The following SLC26A4 variants were observed in gnomAD, a reference collection of about 807,000 sequenced individuals.
SLC26A4 encodes pendrin.
SLC26A4 carries 93 observed loss-of-function variants against 90.4 expected under a neutral mutation model. The ratio of observed to expected loss-of-function variants is 1.03; its 90% CI spans 0.87 to 1.22. SLC26A4 has a LOEUF of 1.22. SLC26A4 is among the 50% of genes most tolerant of loss of function. The pLI is 0.00. For synonymous variants in SLC26A4, 393 were observed against 354.6 expected, an observed-to-expected ratio of 1.11 and a Z score of -1.22; for missense variants, 1,127 against 946.2, an observed-to-expected ratio of 1.19 and a Z score of -2.51.
At chr7:107,679,058 A>T (rs970739904) in intron 6 of SLC26A4, among the ~76,000 whole-genome samples, 2 of 152,248 alleles carry the variant, frequency 1.3e-5, no homozygotes, top group African/African-American at 4.8e-5. Context: ...AAAAGAAATC[A>T]GTTAATTTAC....
At position 107,678,133 on chromosome 7, in the gene SLC26A4, AC is replaced by A. The variant is rs1462823355; in HGVS notation, c.765+3025del. On this transcript the variant is annotated intron_variant, in intron 6 of 20. Transcript: ENST00000644269. ...CTGCCTTATTTTGACAGGCTCTGTA[AC>A]TTTTGCAGCTCCTGGCACATCTTGC... 2.6e-5 allele frequency among the ~76,000 whole-genome samples: 4 copies of A among 152,226 alleles called. No homozygotes were observed. In the East Asian group the frequency reaches 7.7e-4, roughly 29 times the overall value.
In SLC26A4 at chr7:107,683,537, G is replaced by C. The variant is rs146281367; in HGVS notation, c.1001G>C (p.Gly334Ala). ...GGCATTGTTAAATCCATCCCAAGGG[G>C]GTGAGTGTGGTGTTCCTCTTAGTAC... ...NAGIVKSIPR[G>A]FLPPELPPVS... Residue 334 changes from glycine to alanine, a missense_variant and splice_region_variant, in exon 8 of 21, where the codon GGG (glycine) becomes GCG (alanine). Coordinates refer to ENST00000644269, the MANE Select transcript of SLC26A4 (RefSeq NM_000441.2). 6.2e-7 allele frequency: 1 copy of C among 1,612,602 alleles called. No individual in the cohort carries two copies. Among genetic ancestry groups the C allele is most frequent in the South Asian group, 1.1e-5 (1 of 91,038 alleles).
intron 6 of SLC26A4, among the ~76,000 whole-genome samples, chr7:107,677,445 T>C (rs1313559858): frequency 6.6e-6 from 1 of 152,118 alleles, no homozygotes; most frequent in Non-Finnish European, 1.5e-5. Flanking sequence ...TTGAGTTTAT[T>C]ATTATTATTA....
At chr7:107,696,219 T>C (rs1226626142) in intron 13 of SLC26A4, among the ~76,000 whole-genome samples, 180 bp downstream of exon 13, 2 of 152,206 alleles carry the variant, frequency 1.3e-5, no homozygotes, top group South Asian at 2.1e-4. Flanking sequence ...AAATAGCCTA[T>C]GAATAGTTTT....
At chr7:107,682,746 T>A (rs6953220) in intron 6 of SLC26A4, among the ~76,000 whole-genome samples, 12 of 151,718 alleles carry the variant, frequency 7.9e-5, no homozygotes, top group African/African-American at 2.4e-4. Flanking sequence ...TTATCAGCCT[T>A]TAGTCTCAAT....
intron 8 of SLC26A4, among the ~76,000 whole-genome samples, chr7:107,683,741 T>C (rs1215094209): frequency 1.3e-5 from 2 of 152,202 alleles, no homozygotes; most frequent in African/African-American, 4.8e-5. Context: ...GCAGCCCGTA[T>C]ATGCTCTTTT....
At chr7:107,694,206 T>A (rs969772530) in intron 10 of SLC26A4, among the ~76,000 whole-genome samples, 197 bp from the exon 11 acceptor site, 1 of 152,214 alleles carries the variant, frequency 6.6e-6, no homozygotes, top group Non-Finnish European at 1.5e-5. Context: ...TGCCATAGCA[T>A]ATATAGATGC....
intron 18 of SLC26A4, among the ~76,000 whole-genome samples, chr7:107,705,178 C>A (rs1328980482): frequency 6.6e-6 from 1 of 152,136 alleles, no homozygotes; most frequent in African/African-American, 2.4e-5. Context: ...CCGTTTTGAT[C>A]AGGCTCTCAC....
At chr7:107,690,014 C>T (rs936101696) in intron 9 of SLC26A4, 110 bp from the exon 10 acceptor site, 15 of 784,384 alleles carry the variant, frequency 1.9e-5, no homozygotes, top group South Asian at 1.4e-4. Flanking sequence ...TGGACCACCA[C>T]GCAGAGTAGG....
intron 9 of SLC26A4, 131 bp downstream of exon 9, chr7:107,689,331 C>G: frequency 1.1e-6 from 1 of 914,702 alleles, no homozygotes; most frequent in Non-Finnish European, 1.8e-6. Context: ...GTTGGTTTTC[C>G]TCTTGTGTTT....
intron 10 of SLC26A4, among the ~76,000 whole-genome samples, chr7:107,691,432 G>A (rs1422099877): frequency 6.6e-6 from 1 of 151,252 alleles, no homozygotes; most frequent in Non-Finnish European, 1.5e-5. Context: ...AACCTGGGAG[G>A]TGGAGGTTGC....
chr7:107,687,685 C>G (rs1476244849), intron 8 of SLC26A4, among the ~76,000 whole-genome samples: 1 of 152,154 alleles, frequency 6.6e-6, no homozygotes, highest in African/African-American at 2.4e-5. Context: ...AACTAGGCAG[C>G]CAGGCAGGCA....
chr7:107,673,853 C>G (rs1265792545), intron 4 of SLC26A4, among the ~76,000 whole-genome samples: 2 of 152,026 alleles, frequency 1.3e-5, no homozygotes, highest in Non-Finnish European at 2.9e-5. Context: ...CTCAGCCTCC[C>G]GAGTAGCTGG....
chr7:107,702,122 T>C, intron 17 of SLC26A4, 65 bp downstream of exon 17: 1 of 1,048,894 alleles, frequency 9.5e-7, no homozygotes, highest in Non-Finnish European at 1.5e-6. Context: ...ATGTGGGTTG[T>C]CCAGTATTGC....
chr7:107,696,086 C>T, intron 13 of SLC26A4, 47 bp downstream of exon 13: 1 of 1,019,452 alleles, frequency 9.8e-7, no homozygotes, highest in Non-Finnish European at 1.6e-6. Context: ...ACAACACACT[C>T]TGAGCTTCCT....
At chr7:107,668,526 A>C (rs1281531908) in intron 3 of SLC26A4, among the ~76,000 whole-genome samples, 1 of 152,212 alleles carries the variant, frequency 6.6e-6, no homozygotes, top group East Asian at 1.9e-4. Flanking sequence ...GTAGTAGAAC[A>C]ACTCCGAGAA....
chr7:107,689,092 G>A lies in SLC26A4; in HGVS notation c.1041G>A (p.Ser347=), dbSNP rs140778437. The change falls in exon 9 of 21, where the codon TCG becomes TCA. Residue 347 remains serine (S), a synonymous_variant. Coordinates refer to ENST00000644269, the MANE Select transcript of SLC26A4 (RefSeq NM_000441.2). ...PPELPPVSLF[S]EMLAASFSIA... is the part of the protein sequence containing the mutation. ...AACTTCCACCTGTGAGCTTGTTCTC[G>A]GAGATGCTGGCTGCATCATTTTCCA... is the stretch of plus-strand genomic sequence containing the variant. 87 of 1,613,752 alleles carry A rather than the reference G, an allele frequency of 5.4e-5. No homozygotes were observed. The highest frequency in any genetic ancestry group is 3.4e-4 in the South Asian group (31 of 91,082).
chr7:107,670,397 G>A (rs1790830835), intron 3 of SLC26A4, among the ~76,000 whole-genome samples: 1 of 151,984 alleles, frequency 6.6e-6, no homozygotes, highest in Non-Finnish European at 1.5e-5. Flanking sequence ...GTGACTCACC[G>A]CGCCCGGTCC....
chr7:107,673,011 G>A (rs1790917040), intron 4 of SLC26A4, among the ~76,000 whole-genome samples: 1 of 152,118 alleles, frequency 6.6e-6, no homozygotes, highest in African/African-American at 2.4e-5. Context: ...CCATGTTTTT[G>A]TCCTTAGTTG....
Sources: gnomAD v4.1 joint callset for allele counts (sites outside exome capture counted in the v4.1 genomes callset) on GRCh38, gnomAD v4.1.1 for gene constraint, MANE v1.5 for transcripts, NCBI Gene and HGNC (gene_info 2026-07-23, HGNC 2026-07-21) for gene names.